RPH3A: variants seen among roughly 807,000 people sequenced by gnomAD.
The protein encoded by RPH3A is rabphilin 3A, also known as rabphilin-3A.
Under a neutral mutation model 102.2 loss-of-function variants are expected in RPH3A, and 48 were observed. That is an observed-to-expected ratio of 0.47 (90% CI 0.37 to 0.60). The LOEUF (loss-of-function observed/expected upper bound fraction) is 0.60. RPH3A is among the 20% of genes least tolerant of loss of function. The probability of loss-of-function intolerance (pLI) is 0.00; values close to 1 mark genes in which losing one functional copy is unlikely to be tolerated. For missense variants in RPH3A, 781 were observed against 910.1 expected (o/e 0.86, Z 1.83); for synonymous variants, 310 against 324.3 (o/e 0.96, Z 0.47).
intron 8 of RPH3A, 168 bp downstream of exon 8, chr12:112,868,763 C>T (rs989592801): frequency 1.0e-5 from 7 of 681,184 alleles, no homozygotes; most frequent in Non-Finnish European, 1.4e-5. Flanking sequence ...CACCATAAAT[C>T]GTTACCAAGA....
At chr12:112,796,827 A>T (rs912257649) in intron 2 of RPH3A, among the ~76,000 whole-genome samples, 1 of 152,128 alleles carries the variant, frequency 6.6e-6, no homozygotes, top group African/African-American at 2.4e-5. Context: ...AGGTGGGTGG[A>T]TTACTTGAGG....
At chr12:112,702,456 A>G (rs1159803377) in intron 1 of RPH3A, among the ~76,000 whole-genome samples, 1 of 152,216 alleles carries the variant, frequency 6.6e-6, no homozygotes, top group Non-Finnish European at 1.5e-5. Context: ...GATTATCACT[A>G]GGGAAACTGA....
intron 1 of RPH3A, among the ~76,000 whole-genome samples, chr12:112,713,423 G>A (rs1351853897): frequency 6.6e-6 from 1 of 152,034 alleles, no homozygotes; most frequent in Non-Finnish European, 1.5e-5. Context: ...TAGCTGAAAG[G>A]ATTTGTAGTA....
At chr12:112,749,457 C>G (rs1454594657) in intron 1 of RPH3A, among the ~76,000 whole-genome samples, 1 of 152,170 alleles carries the variant, frequency 6.6e-6, no homozygotes, top group African/African-American at 2.4e-5. Flanking sequence ...TTTCAGTTCC[C>G]TTTCTACTCT....
intron 1 of RPH3A, among the ~76,000 whole-genome samples, chr12:112,652,827 A>T (rs1266518854): frequency 6.6e-6 from 1 of 152,234 alleles, no homozygotes; most frequent in Non-Finnish European, 1.5e-5. Flanking sequence ...CAAAACAGTC[A>T]TGCATGGCTT....
At chr12:112,823,379 T>C (rs1741556287) in intron 2 of RPH3A, among the ~76,000 whole-genome samples, 1 of 152,214 alleles carries the variant, frequency 6.6e-6, no homozygotes, top group Non-Finnish European at 1.5e-5. Context: ...ACCTGTAAAA[T>C]GAGGATAATA....
At chr12:112,707,817 T>C (rs2040435666) in intron 1 of RPH3A, among the ~76,000 whole-genome samples, 1 of 152,224 alleles carries the variant, frequency 6.6e-6, no homozygotes, top group Non-Finnish European at 1.5e-5. Context: ...GCCAGGCCCA[T>C]TGCCTGATGT....
chr12:112,581,269 G>C (rs2039398875), intron 1 of RPH3A, among the ~76,000 whole-genome samples: 1 of 152,158 alleles, frequency 6.6e-6, no homozygotes. Flanking sequence ...CGTCTCACAT[G>C]GTGGCAGGCC....
At chr12:112,717,656 A>T (rs2040523009) in intron 1 of RPH3A, among the ~76,000 whole-genome samples, 1 of 151,296 alleles carries the variant, frequency 6.6e-6, no homozygotes, top group African/African-American at 2.4e-5. Context: ...GGTTGTTTCC[A>T]GTTTGGGGTA....
intron 1 of RPH3A, among the ~76,000 whole-genome samples, chr12:112,733,778 C>G (rs544870061): frequency 6.6e-6 from 1 of 152,300 alleles, no homozygotes; most frequent in African/African-American, 2.4e-5. Context: ...AACAAGAACC[C>G]AGCACAGAGT....
intron 1 of RPH3A, among the ~76,000 whole-genome samples, chr12:112,605,841 T>A (rs1397053658): frequency 6.6e-6 from 1 of 152,248 alleles, no homozygotes; most frequent in Admixed American, 6.5e-5. Flanking sequence ...GTTCCCCCTT[T>A]AGCCAGTGGG....
At chr12:112,658,258 C>A (rs1566245940) in intron 1 of RPH3A, among the ~76,000 whole-genome samples, 1 of 152,102 alleles carries the variant, frequency 6.6e-6, no homozygotes, top group South Asian at 2.1e-4. Flanking sequence ...ACCACTGCAA[C>A]CTCCACCTCC....
intron 1 of RPH3A, among the ~76,000 whole-genome samples, chr12:112,674,992 G>C (rs1441474663): frequency 6.6e-6 from 1 of 152,130 alleles, no homozygotes; most frequent in Non-Finnish European, 1.5e-5. Context: ...GGTCCCTGGG[G>C]CAGCTTCCAA....
chr12:112,594,187 G>A (rs751134367), intron 1 of RPH3A, among the ~76,000 whole-genome samples: 1 of 152,096 alleles, frequency 6.6e-6, no homozygotes, highest in Non-Finnish European at 1.5e-5. Flanking sequence ...GTACAAAAAG[G>A]GTGCTTGATT....
chr12:112,756,604 A>G (rs1209346078), intron 1 of RPH3A, among the ~76,000 whole-genome samples: 2 of 152,234 alleles, frequency 1.3e-5, no homozygotes, highest in East Asian at 1.9e-4. Context: ...ACATAATAAA[A>G]GCAAAAAACT....
In RPH3A at chr12:112,725,260, A is replaced by C. The variant is rs897987825; in HGVS notation, c.-139-66883A>C. On this transcript the variant is annotated intron_variant, in intron 1 of 21. Transcript: ENST00000543106. The stretch of plus-strand genomic sequence containing the variant: ...CAAGACTTTGTCTCAGAAAAAAAAA[A>C]AAAAAAAAAAAAAAAAAAACACGTT... 1.3e-3 allele frequency among the ~76,000 whole-genome samples: 188 copies of C among 149,892 alleles called. 1 individual carries two copies. The highest frequency in any genetic ancestry group is 4.3e-3 in the African/African-American group (175 of 40,614).
chr12:112,815,303 A>G (rs1008055996), intron 2 of RPH3A, among the ~76,000 whole-genome samples: 2 of 152,216 alleles, frequency 1.3e-5, no homozygotes, highest in African/African-American at 4.8e-5. Context: ...GCCATTATGC[A>G]ACCATTTTTG....
At chr12:112,831,696 C>T (rs1488081076) in intron 3 of RPH3A, 1 of 443,958 alleles carries the variant, frequency 2.3e-6, no homozygotes, top group South Asian at 1.6e-5. Context: ...GGTAAGCTCT[C>T]TCAGACTGTG....
intron 1 of RPH3A, among the ~76,000 whole-genome samples, chr12:112,730,970 T>C (rs192519254): frequency 8.0e-4 from 122 of 152,330 alleles, no homozygotes; most frequent in Middle Eastern, 3.4e-3. Flanking sequence ...CCCTGGTGAC[T>C]GGCTGAACAG....
Sources: allele counts gnomAD v4.1 joint callset (sites outside exome capture counted in the v4.1 genomes callset), GRCh38; gene constraint gnomAD v4.1.1; transcripts MANE v1.5; gene names NCBI Gene and HGNC (gene_info 2026-07-23, HGNC 2026-07-21).